ATP11A: variants seen among roughly 807,000 people sequenced by gnomAD.
ATP11A encodes ATPase phospholipid transporting 11A.
A neutral mutation model predicts 154.4 loss-of-function variants in ATP11A; 81 were observed. The ratio of observed to expected loss-of-function variants is 0.52; its 90% CI spans 0.44 to 0.63. ATP11A has a LOEUF of 0.63. ATP11A is among the 30% of genes least tolerant of loss of function. ATP11A has a pLI of 0.00. For synonymous variants in ATP11A, 623 were observed against 585.9 expected (o/e 1.06, Z -0.91); for missense variants, 1,316 against 1,474.3 (o/e 0.89, Z 1.76).
intron 5 of ATP11A, among the ~76,000 whole-genome samples, chr13:112,814,744 G>C (rs77527567): frequency 6.6e-6 from 1 of 152,118 alleles, no homozygotes; most frequent in Non-Finnish European, 1.5e-5. Context: ...CCACACTGTT[G>C]GTCACTGTAG....
intron 20 of ATP11A, 191 bp downstream of exon 20, chr13:112,856,276 G>A (rs2079921381): frequency 1.8e-6 from 1 of 569,580 alleles, no homozygotes. Flanking sequence ...TGTGATTAGT[G>A]GGTGATGACC....
rs1051987485 is a variant in ATP11A, at chr13:112,807,231, G to T, written c.333+938G>T. Among the ~76,000 whole-genome samples, 3 of 152,266 alleles carry T rather than the reference G, an allele frequency of 2.0e-5. No homozygotes were observed. The highest frequency in any genetic ancestry group is 7.2e-5 in the African/African-American group (3 of 41,472). ...CAGCAGTTGGCAACATCTGACACAG[G>T]CAGAGATGGGGACACACAGGGTCCA... is the stretch of plus-strand genomic sequence containing the variant. On this transcript the variant is annotated intron_variant, in intron 4 of 29. Coordinates refer to ENST00000375645, the MANE Select transcript of ATP11A (RefSeq NM_015205.3). This position sits in a 1 kb window ranked among gnomAD's most constrained non-coding sequence, Gnocchi z 4.5.
chr13:112,880,117 T>G (rs1423032970), intron 29 of ATP11A, among the ~76,000 whole-genome samples: 1 of 152,246 alleles, frequency 6.6e-6, no homozygotes, highest in Non-Finnish European at 1.5e-5. Flanking sequence ...AGTGGAGTTC[T>G]GTGAGCACGC....
chr13:112,825,448 C>G lies in ATP11A; in HGVS notation c.891C>G (p.Leu297=). The change falls in exon 11 of 30, where the codon CTC becomes CTG. Residue 297 remains leucine (L), a synonymous_variant. Coordinates refer to ENST00000375645, the MANE Select transcript of ATP11A (RefSeq NM_015205.3). ...SAVEKSMNAF[L]IVYLCILISK... is the part of the protein sequence containing the mutation. ...GTTTTAGATCGATGAATGCGTTCCT[C>G]ATTGTGTATCTCTGCATTCTGATCA... 4.3e-6 allele frequency: 7 copies of G among 1,612,316 alleles called. No homozygotes were observed. The highest frequency in any genetic ancestry group is 5.9e-6 in the Non-Finnish European group (7 of 1,179,288).
intron 1 of ATP11A, among the ~76,000 whole-genome samples, chr13:112,751,715 G>C (rs1594542836): frequency 6.7e-6 from 1 of 148,876 alleles, no homozygotes; most frequent in Non-Finnish European, 1.5e-5. Context: ...TGACTGATAT[G>C]CATACTGCAG....
At chr13:112,867,256 G>A (rs1337295854) in intron 25 of ATP11A, among the ~76,000 whole-genome samples, 1 of 152,220 alleles carries the variant, frequency 6.6e-6, no homozygotes, top group Non-Finnish European at 1.5e-5. Flanking sequence ...GAGAAGTTCG[G>A]ACAGACTAGA....
chr13:112,880,680 G>C, intron 29 of ATP11A: 1 of 1,269,004 alleles, frequency 7.9e-7, no homozygotes, highest in Non-Finnish European at 1.0e-6. Context: ...CGCCGCCCGT[G>C]TGCTGTGACT....
Position 112,800,572 on chromosome 13 carries a change from G to GA in ATP11A, c.163-4372dup, listed in dbSNP as rs553388141. The stretch of plus-strand genomic sequence containing the variant: ...TGGTGAATTCTACCAAACATTTAAG[G>GA]AAAAAAAAAAAAATCAATTCTCTAC... On this transcript the variant is annotated intron_variant, in intron 2 of 29. Coordinates refer to ENST00000375645, the MANE Select transcript of ATP11A (RefSeq NM_015205.3). Among the ~76,000 whole-genome samples, 531 of 138,982 alleles carry GA rather than the reference G, an allele frequency of 3.8e-3. 2 individuals are homozygous for GA. Among genetic ancestry groups the GA allele is most frequent in the Non-Finnish European group, 4.7e-3 (299 of 63,376 alleles). 91.2% of individuals were successfully genotyped at this position (138,982 alleles called of 152,430 possible). A position where few individuals can be genotyped will look rare whatever the true frequency, so the allele number is the denominator to read the frequency against.
At chr13:112,867,439 G>A (rs1269066076) in intron 25 of ATP11A, among the ~76,000 whole-genome samples, 1 of 152,222 alleles carries the variant, frequency 6.6e-6, no homozygotes, top group Non-Finnish European at 1.5e-5. Context: ...CAGGGGCAAG[G>A]ACACGGGCGC....
chr13:112,860,585 T>C, intron 24 of ATP11A, 171 bp downstream of exon 24: 1 of 695,394 alleles, frequency 1.4e-6, no homozygotes. Context: ...GCAACATAGC[T>C]CAAATGGAGA....
In ATP11A at chr13:112,754,207, G is replaced by A. The variant is rs1474277073; in HGVS notation, c.40-30928G>A. ...GGTCTGGGAAATTCGTTTTCTCGCA[G>A]AAGGCAGAGAAGGCCGTGGAATAAC... On this transcript the variant is annotated intron_variant, in intron 1 of 29. Transcript: ENST00000375645. This position sits in a 1 kb window ranked among gnomAD's most constrained non-coding sequence, Gnocchi z 5.3. 3.9e-5 allele frequency among the ~76,000 whole-genome samples: 6 copies of A among 152,214 alleles called. No homozygotes were observed. The highest frequency in any genetic ancestry group is 1.4e-4 in the African/African-American group (6 of 41,458).
intron 25 of ATP11A, among the ~76,000 whole-genome samples, chr13:112,869,855 C>T (rs2080456169): frequency 6.6e-6 from 1 of 152,254 alleles, no homozygotes; most frequent in Non-Finnish European, 1.5e-5. Context: ...AGAAGTTAAG[C>T]CACAAAGAGA....
chr13:112,714,606 A>G (rs1206769075), intron 1 of ATP11A, among the ~76,000 whole-genome samples: 2 of 152,120 alleles, frequency 1.3e-5, no homozygotes, highest in Non-Finnish European at 2.9e-5. Flanking sequence ...TGTGTCTGTG[A>G]TGGAATACGC....
intron 4 of ATP11A, among the ~76,000 whole-genome samples, chr13:112,808,170 T>C (rs2078376640): frequency 6.6e-6 from 1 of 152,094 alleles, no homozygotes; most frequent in South Asian, 2.1e-4. Flanking sequence ...CAACATGTGG[T>C]GTCCTCGGCC....
chr13:112,850,099 C>G (rs9549571), intron 17 of ATP11A, among the ~76,000 whole-genome samples: 150,751 of 152,346 alleles, frequency 0.99, 74,595 homozygotes, highest in Middle Eastern at 1. Context: ...CTGTCCACAC[C>G]AGTTAAGAGG....
chr13:112,884,058 A>G lies in ATP11A; in HGVS notation c.*2192A>G, dbSNP rs1301825496. 6.6e-6 allele frequency: 1 copy of G among 152,410 alleles called. No individual in the cohort carries two copies. Among genetic ancestry groups the G allele is most frequent in the East Asian group, 1.9e-4 (1 of 5,204 alleles). 9.4% of individuals were successfully genotyped at this position (152,410 alleles called of 1,614,324 possible). A position where few individuals can be genotyped will look rare whatever the true frequency, so the allele number is the denominator to read the frequency against. ...TAAAGCTTTCATTTTTAAGTTTATG[A>G]AATTTTGGCCACTTTACATTTAGAT... is the stretch of plus-strand genomic sequence containing the variant. On this transcript the variant is annotated 3_prime_UTR_variant, in exon 30 of 30. Coordinates refer to ENST00000375645, the MANE Select transcript of ATP11A (RefSeq NM_015205.3).
chr13:112,834,586 C>T lies in ATP11A; in HGVS notation c.1560-3C>T, dbSNP rs1162619693. 5 of 1,610,320 alleles carry T rather than the reference C, an allele frequency of 3.1e-6. No individual in the cohort carries two copies. Among genetic ancestry groups the T allele is most frequent in the Non-Finnish European group, 4.2e-6 (5 of 1,176,616 alleles). ...CACCCCGAGGTTTCCCTTCTCATTG[C>T]AGACTTGGCTTTACCTACCTAAGGC... On this transcript the variant is annotated splice_region_variant and splice_polypyrimidine_tract_variant and intron_variant, in intron 14 of 29. Coordinates refer to ENST00000375645, the MANE Select transcript of ATP11A (RefSeq NM_015205.3).
intron 1 of ATP11A, among the ~76,000 whole-genome samples, chr13:112,770,538 G>T (rs1386391999): frequency 2.0e-5 from 3 of 152,232 alleles, no homozygotes; most frequent in Non-Finnish European, 4.4e-5. Flanking sequence ...AGGGATGGGC[G>T]TGCCCACGTG....
At chr13:112,815,083 A>T (rs1474427010) in intron 5 of ATP11A, among the ~76,000 whole-genome samples, 2 of 152,200 alleles carry the variant, frequency 1.3e-5, no homozygotes, top group Non-Finnish European at 2.9e-5. Flanking sequence ...TGGCAGTGAG[A>T]CTGGCTGGAG....
Sources: allele counts gnomAD v4.1 joint callset (sites outside exome capture counted in the v4.1 genomes callset), GRCh38; gene constraint gnomAD v4.1.1; non-coding constraint Gnocchi (gnomAD v3.1); transcripts MANE v1.5; gene names NCBI Gene and HGNC (gene_info 2026-07-23, HGNC 2026-07-21).